EXTL3: variants seen among roughly 807,000 people sequenced by gnomAD.
EXTL3 encodes exostosin-like 3.
In EXTL3, 27 loss-of-function variants were observed where a neutral mutation model predicts 69.3. The ratio of observed to expected loss-of-function variants is 0.39; its 90% confidence interval spans 0.29 to 0.54. The LOEUF (loss-of-function observed/expected upper bound fraction) is 0.54, where lower values mean the gene tolerates loss of function less well. Among genes scored for constraint, EXTL3 ranks in the 20% least tolerant of loss-of-function variants. The pLI is 0.69. For synonymous variants in EXTL3, 511 were observed against 499.4 expected, an observed-to-expected ratio of 1.02 and a Z score of -0.31; for missense variants, 1,003 against 1,231.8, an observed-to-expected ratio of 0.81 and a Z score of 2.78.
intron 1 of EXTL3, among the ~76,000 whole-genome samples, chr8:28,641,159 G>T (rs1398674777): frequency 6.6e-6 from 1 of 152,190 alleles, no homozygotes; most frequent in African/African-American, 2.4e-5. Context: ...ATTGTATTCA[G>T]TTCTCCTACA....
chr8:28,646,392 G>C (rs1254650787), intron 1 of EXTL3, among the ~76,000 whole-genome samples: 1 of 152,210 alleles, frequency 6.6e-6, no homozygotes, highest in African/African-American at 2.4e-5. Flanking sequence ...TGTGAGAACA[G>C]GTGACTTGGA....
At chr8:28,672,459 T>C (rs1585243352) in intron 1 of EXTL3, among the ~76,000 whole-genome samples, 1 of 151,850 alleles carries the variant, frequency 6.6e-6, no homozygotes, top group Admixed American at 6.6e-5. Context: ...AATAATATGG[T>C]TTTATTAAGG....
At chr8:28,668,556 C>T (rs1252576044) in intron 1 of EXTL3, among the ~76,000 whole-genome samples, 2 of 152,054 alleles carry the variant, frequency 1.3e-5, no homozygotes, top group East Asian at 1.9e-4. Context: ...AGGATGGTCT[C>T]GAACTTGTGA....
chr8:28,624,236 A>C (rs1806458296), intron 1 of EXTL3, among the ~76,000 whole-genome samples: 1 of 152,224 alleles, frequency 6.6e-6, no homozygotes, highest in Non-Finnish European at 1.5e-5. Context: ...CCTATTACAT[A>C]CAATATTCCA....
chr8:28,648,869 C>T lies in EXTL3; in HGVS notation c.-53+26059C>T, dbSNP rs560375106. ...AGCTGGGACTGTAGGCGTGCACCACCACACCCAGCTAAGGTTTGTTTTGGT... is the reference window on the plus strand; with the variant it reads ...AGCTGGGACTGTAGGCGTGCACCACTACACCCAGCTAAGGTTTGTTTTGGT... On this transcript the variant is annotated intron_variant, in intron 1 of 6. Coordinates refer to the EXTL3 transcript ENST00000523149. Among the ~76,000 whole-genome samples, 39 of 152,208 alleles carry T rather than the reference C, an allele frequency of 2.6e-4. 1 individual carries two copies. Among genetic ancestry groups the T allele is most frequent in the Admixed American group, 7.2e-4 (11 of 15,270 alleles).
Position 28,754,626 on chromosome 8 carries a change from C to G in EXTL3, c.*3760C>G, listed in dbSNP as rs1279629397. ...ATGAGGCTGTAGAAAATGTGTCTTC[C>G]TATACACAGAGATATGATGTCTGCT... On this transcript the variant is annotated 3_prime_UTR_variant, in exon 7 of 7. Coordinates refer to ENST00000220562, the MANE Select transcript of EXTL3 (RefSeq NM_001440.4). 3.3e-5 allele frequency: 5 copies of G among 152,214 alleles called. No homozygotes were observed. In the East Asian group the frequency reaches 9.6e-4, roughly 29 times the overall value. The allele number at this position is 152,214 out of a possible 1,614,324, so 9.4% of individuals were successfully genotyped here.
At chr8:28,641,716 A>G (rs1806744922) in intron 1 of EXTL3, among the ~76,000 whole-genome samples, 1 of 151,480 alleles carries the variant, frequency 6.6e-6, no homozygotes. Flanking sequence ...CAAGTGATCC[A>G]CCCCCTCCCC....
intron 1 of EXTL3, among the ~76,000 whole-genome samples, chr8:28,672,359 A>G (rs1326758077): frequency 8.0e-6 from 1 of 125,754 alleles, no homozygotes; most frequent in African/African-American, 3.0e-5. Flanking sequence ...CGGAGCTTGC[A>G]GTGAGCCGAG....
intron 1 of EXTL3, among the ~76,000 whole-genome samples, chr8:28,627,637 T>C (rs1004512339): frequency 2.6e-5 from 4 of 152,180 alleles, no homozygotes; most frequent in African/African-American, 9.7e-5. Flanking sequence ...TATTTATACA[T>C]CCATGTACCT....
At chr8:28,659,122 A>G (rs1029315265) in intron 1 of EXTL3, among the ~76,000 whole-genome samples, 18 of 152,200 alleles carry the variant, frequency 1.2e-4, no homozygotes, top group African/African-American at 3.9e-4. Flanking sequence ...TCTGTGGCCC[A>G]CTTCCCTCCA....
At chr8:28,624,489 G>A (rs1806461917) in intron 1 of EXTL3, among the ~76,000 whole-genome samples, 1 of 152,166 alleles carries the variant, frequency 6.6e-6, no homozygotes, top group African/African-American at 2.4e-5. Flanking sequence ...CTTGATCCTG[G>A]GAGGCAGAGG....
In EXTL3 at chr8:28,623,732, C is replaced by G. The variant is rs6981305; in HGVS notation, c.-53+922C>G. Among the ~76,000 whole-genome samples the G allele has an allele frequency of 0.028, 4,190 of 152,198 alleles. 202 individuals carry two copies. Among genetic ancestry groups the G allele is most frequent in the African/African-American group, 0.096 (3,966 of 41,500 alleles). ...CCCTATATTTTCATTCCCATAAATACGAATTGGTTGATTTTACTTGTGAAC... is the reference window on the plus strand; with the variant it reads ...CCCTATATTTTCATTCCCATAAATAGGAATTGGTTGATTTTACTTGTGAAC... On this transcript the variant is annotated intron_variant, in intron 1 of 6. Transcript: ENST00000523149. The surrounding 1 kb of genome is among the most constrained non-coding windows in gnomAD (Gnocchi z 4.2).
Position 28,717,322 on chromosome 8 carries a change from C to T in EXTL3, c.1263C>T (p.Arg421=). 6.2e-7 allele frequency: 1 copy of T among 1,614,188 alleles called. No individual in the cohort carries two copies. The highest frequency in any genetic ancestry group is 1.1e-5 in the South Asian group (1 of 91,086). The change falls in exon 3 of 7, where the codon CGC becomes CGT. Residue 421 remains arginine, a synonymous_variant. Transcript: ENST00000220562. The surrounding 1 kb of genome is among the most constrained non-coding windows in gnomAD (Gnocchi z 8.3). ...EWALCGERED[R]LELLKLSTFA... ...CACTGTGTGGAGAGCGGGAGGACCG[C>T]TTGGAATTGCTGAAGCTCTCCACCT...
At chr8:28,702,103 G>T (rs1212491373) in intron 1 of EXTL3, among the ~76,000 whole-genome samples, 3 of 152,164 alleles carry the variant, frequency 2.0e-5, no homozygotes, top group East Asian at 3.9e-4. Flanking sequence ...ATCTTCTGTC[G>T]GCGGAGGCGC....
intron 3 of EXTL3, 92 bp from the exon 4 acceptor site, chr8:28,731,131 C>T (rs1801529261): frequency 2.0e-6 from 3 of 1,519,570 alleles, no homozygotes; most frequent in African/African-American, 2.7e-5. Context: ...TTCAGTAAAT[C>T]CAGCCATGGT....
chr8:28,704,713 A>G (rs1395428879), intron 1 of EXTL3, among the ~76,000 whole-genome samples: 1 of 150,842 alleles, frequency 6.6e-6, no homozygotes, highest in East Asian at 1.9e-4. Context: ...CTTTTCGCCC[A>G]GGCTAGAGTG....
chr8:28,652,321 C>T (rs1806936574), intron 1 of EXTL3, among the ~76,000 whole-genome samples: 1 of 151,950 alleles, frequency 6.6e-6, no homozygotes, highest in Non-Finnish European at 1.5e-5. Context: ...CCAAGGGTTC[C>T]CATTTTTCCA....
In EXTL3 at chr8:28,703,204, T is replaced by C. The variant is rs143173742; in HGVS notation, c.-570+1545T>C. 1.4e-3 allele frequency among the ~76,000 whole-genome samples: 210 copies of C among 152,262 alleles called. 1 individual carries two copies. Among genetic ancestry groups the C allele is most frequent in the African/African-American group, 4.8e-3 (198 of 41,554 alleles). On this transcript the variant is annotated intron_variant, in intron 1 of 6. Coordinates refer to ENST00000220562, the MANE Select transcript of EXTL3 (RefSeq NM_001440.4). ...AGTCAGAATTGTGGCTCTTCAGACT[T>C]CCGGAAACGTGCTTAATGTCCAGAG...
downstream of EXTL3, among the ~76,000 whole-genome samples, chr8:28,755,860 G>A (rs752817956): frequency 2.6e-5 from 4 of 152,056 alleles, no homozygotes; most frequent in Non-Finnish European, 5.9e-5. Flanking sequence ...TCAAACATAC[G>A]GCAATGTTGA....
Sources: gnomAD v4.1 joint callset for allele counts (sites outside exome capture counted in the v4.1 genomes callset) on GRCh38, gnomAD v4.1.1 for gene constraint, Gnocchi (gnomAD v3.1) non-coding constraint, MANE v1.5 for transcripts, NCBI Gene and HGNC (gene_info 2026-07-23, HGNC 2026-07-21) for gene names.